Variants in ZBTB20 observed in about 807,000 individuals in gnomAD.
ZBTB20 encodes the protein zinc finger and BTB domain containing 20.
A neutral mutation model predicts 56.9 loss-of-function variants in ZBTB20; 9 were observed. The ratio of observed to expected loss-of-function variants is 0.16; its 90% confidence interval spans 0.10 to 0.28. The LOEUF (loss-of-function observed/expected upper bound fraction) is 0.28. Among genes scored for constraint, ZBTB20 ranks in the 10% least tolerant of loss-of-function variants. The pLI is 1.00. For missense variants in ZBTB20, 655 were observed against 1,003.0 expected, an observed-to-expected ratio of 0.65 and a Z score of 4.69; for synonymous variants, 417 against 420.7, an observed-to-expected ratio of 0.99 and a Z score of 0.11.
chr3:114,627,798 T>C (rs2058729221), intron 6 of ZBTB20, among the ~76,000 whole-genome samples: 1 of 152,218 alleles, frequency 6.6e-6, no homozygotes. Context: ...CCTCTTTTCT[T>C]TTCCCAGATT....
At chr3:114,566,844 G>C (rs1052782341) in intron 6 of ZBTB20, among the ~76,000 whole-genome samples, 2 of 152,130 alleles carry the variant, frequency 1.3e-5, no homozygotes, top group African/African-American at 4.8e-5. Context: ...GAATCTTCTT[G>C]GAATAATCTG....
intron 2 of ZBTB20, among the ~76,000 whole-genome samples, chr3:114,989,224 T>C (rs1485575670): frequency 2.6e-5 from 4 of 152,360 alleles, no homozygotes; most frequent in African/African-American, 9.6e-5. Context: ...CTAGGATTTT[T>C]ATGGTTTTAG....
intron 7 of ZBTB20, among the ~76,000 whole-genome samples, chr3:114,449,864 A>G (rs962639048): frequency 2.0e-5 from 3 of 152,162 alleles, no homozygotes; most frequent in Admixed American, 6.5e-5. Context: ...CGTATCCCCA[A>G]ATTTATGCAC....
intron 5 of ZBTB20, among the ~76,000 whole-genome samples, chr3:114,714,712 C>T (rs974123687): frequency 3.9e-5 from 6 of 152,182 alleles, no homozygotes; most frequent in Non-Finnish European, 8.8e-5. Context: ...AAAATATCAA[C>T]AACTGCATTA....
chr3:114,561,705 T>A (rs1419972038), intron 6 of ZBTB20, among the ~76,000 whole-genome samples: 1 of 151,870 alleles, frequency 6.6e-6, no homozygotes, highest in East Asian at 1.9e-4. Flanking sequence ...CAGGGTAGAT[T>A]TAACATAATT....
chr3:114,502,757 TCTC>T lies in ZBTB20; in HGVS notation c.-294-2369_-294-2367del, dbSNP rs2044152192. The T allele has an allele frequency of 5.3e-5, 8 of 151,778 alleles. No individual in the cohort carries two copies. In the South Asian group the frequency reaches 6.3e-4, roughly 12 times the overall value. The allele number at this position is 151,778 out of a possible 1,614,324, so 9.4% of individuals were successfully genotyped here. On this transcript the variant is annotated intron_variant, in intron 6 of 11. Transcript: ENST00000675478. ...TTCTTACCATTTTCCTCCCTCCCTC[TCTC>T]CTTTCTTCCTTCCCTCCCTCCCTCC...
In ZBTB20 at chr3:114,338,931, T is replaced by G. The variant is rs1326101187; in HGVS notation, c.*74A>C. On this transcript the variant is annotated 3_prime_UTR_variant, in exon 12 of 12. Transcript: ENST00000675478. ...AACCAAAACATTTCTTAAATTCTAG[T>G]GCCATAGCTTTTTTGTTTGTTTGTT... is the stretch of plus-strand genomic sequence containing the variant. 1.4e-6 allele frequency: 2 copies of G among 1,423,704 alleles called. No individual in the cohort carries two copies. The highest frequency in any genetic ancestry group is 2.5e-5 in the Admixed American group (1 of 40,718). The allele number at this position is 1,423,704 out of a possible 1,614,324, so 88.2% of individuals were successfully genotyped here.
At chr3:114,974,711 G>C (rs2078026741) in intron 2 of ZBTB20, among the ~76,000 whole-genome samples, 1 of 152,026 alleles carries the variant, frequency 6.6e-6, no homozygotes, top group African/African-American at 2.4e-5. Flanking sequence ...TTTATTTCAT[G>C]TTTTCTTTTA....
Position 114,671,805 on chromosome 3 carries a change from A to G in ZBTB20, c.-295+21723T>C, listed in dbSNP as rs367644425. Among the ~76,000 whole-genome samples, 16 of 152,310 alleles carry G rather than the reference A, an allele frequency of 1.1e-4. No individual in the cohort carries two copies. In the South Asian group the frequency reaches 2.1e-3, roughly 20 times the overall value. On this transcript the variant is annotated intron_variant, in intron 6 of 11. Transcript: ENST00000675478. ...ATTATTATCCATACCTAAGGAGTAC[A>G]TGCATTTGAGAAAAGGAAGGGCATG... is the stretch of plus-strand genomic sequence containing the variant.
At chr3:115,117,769 A>T (rs903240360) in intron 1 of ZBTB20, among the ~76,000 whole-genome samples, 51 of 152,080 alleles carry the variant, frequency 3.4e-4, no homozygotes, top group African/African-American at 1.2e-3. Context: ...TTATTTTTTT[A>T]AAAGATAAAT....
chr3:115,051,709 T>C (rs1259700299), intron 2 of ZBTB20, among the ~76,000 whole-genome samples: 1 of 152,336 alleles, frequency 6.6e-6, no homozygotes, highest in African/African-American at 2.4e-5. Flanking sequence ...TTTCCAATTA[T>C]CATAAATTTA....
chr3:114,470,046 A>G (rs947277255), intron 7 of ZBTB20, among the ~76,000 whole-genome samples: 3 of 152,186 alleles, frequency 2.0e-5, no homozygotes, highest in African/African-American at 7.2e-5. Flanking sequence ...ATTTAGATTA[A>G]AAACAATATT....
chr3:114,913,095 A>G (rs1178933038), intron 3 of ZBTB20, among the ~76,000 whole-genome samples: 1 of 152,010 alleles, frequency 6.6e-6, no homozygotes, highest in African/African-American at 2.4e-5. Context: ...TTGGGTATAT[A>G]CCTAGCAGTC....
chr3:114,500,870 G>GA (rs146374179), intron 6 of ZBTB20, among the ~76,000 whole-genome samples: 4,872 of 152,272 alleles, frequency 0.032, 157 homozygotes, highest in Admixed American at 0.1. Context: ...AGCACAGATA[G>GA]AAAATGTTTC....
intron 7 of ZBTB20, among the ~76,000 whole-genome samples, chr3:114,437,100 G>A (rs2090570370): frequency 6.6e-6 from 1 of 152,092 alleles, no homozygotes; most frequent in Non-Finnish European, 1.5e-5. Flanking sequence ...TCTGGAACAG[G>A]GGAAGGTGAA....
rs182001710 is a variant in ZBTB20 at position 114,507,255 on chromosome 3, A to C, written c.-294-6864T>G. Among the ~76,000 whole-genome samples, 407 of 152,260 alleles carry C rather than the reference A, an allele frequency of 2.7e-3. 2 individuals carry two copies. The highest frequency in any genetic ancestry group is 9.3e-3 in the African/African-American group (385 of 41,544). ...CCCTGTCCATCAGCATATAATGAAA[A>C]AGTTGTGGCTATTTCCACATCAGCA... On this transcript the variant is annotated intron_variant, in intron 6 of 11. Coordinates refer to ENST00000675478, the MANE Select transcript of ZBTB20 (RefSeq NM_001348800.3).
At chr3:115,123,870 G>A (rs2084250945) in intron 1 of ZBTB20, among the ~76,000 whole-genome samples, 1 of 152,152 alleles carries the variant, frequency 6.6e-6, no homozygotes, top group Non-Finnish European at 1.5e-5. Context: ...CTATCAAAAA[G>A]TTAGTTCTGT....
intron 5 of ZBTB20, among the ~76,000 whole-genome samples, chr3:114,742,953 C>T (rs568075241): frequency 5.0e-4 from 76 of 152,178 alleles, no homozygotes; most frequent in Non-Finnish European, 8.8e-4. Flanking sequence ...TAGTACAAGA[C>T]TCAAGTGTCC....
At position 114,320,616 on chromosome 3, in the gene ZBTB20, A is replaced by G. The variant is rs1218452002; in HGVS notation, c.*18389T>C. On this transcript the variant is annotated 3_prime_UTR_variant, in exon 12 of 12. Transcript: ENST00000675478. ...CACTGCTCTTCTGTCTTTTCCTTCA[A>G]CTTTTAATCTTTTACTCCCTAGTTC... The G allele has an allele frequency of 1.3e-5, 2 of 152,188 alleles. No homozygotes were observed. Among genetic ancestry groups the G allele is most frequent in the African/African-American group, 4.8e-5 (2 of 41,458 alleles). The allele number at this position is 152,188 out of a possible 1,614,324, so 9.4% of individuals were successfully genotyped here. A position where few individuals can be genotyped will look rare whatever the true frequency, so the allele number is the denominator to read the frequency against.
Sources: gnomAD v4.1 joint callset for allele counts (sites outside exome capture counted in the v4.1 genomes callset) on GRCh38, gnomAD v4.1.1 for gene constraint, MANE v1.5 for transcripts, NCBI Gene and HGNC (gene_info 2026-07-23, HGNC 2026-07-21) for gene names.